The following WWOX variants were observed in gnomAD, a reference collection of about 807,000 sequenced individuals.
WWOX encodes WW domain containing oxidoreductase, also known as WW domain-containing oxidoreductase.
A neutral mutation model predicts 46.2 loss-of-function variants in WWOX; 69 were observed. The observed-to-expected ratio is 1.49, with a 90% confidence interval of 1.23 to 1.82. The LOEUF (loss-of-function observed/expected upper bound fraction) is 1.82, where lower values mean the gene tolerates loss of function less well. WWOX is among the 40% of genes most tolerant of loss of function. The pLI, the probability that WWOX is intolerant of heterozygous loss-of-function variation, is 0.00. For synonymous variants in WWOX, 359 were observed against 202.6 expected (o/e 1.77, Z -6.56); for missense variants, 919 against 542.6 (o/e 1.69, Z -6.89).
chr16:78,562,360 C>A (rs150475540), intron 8 of WWOX, among the ~76,000 whole-genome samples: 6 of 152,290 alleles, frequency 3.9e-5, no homozygotes, highest in African/African-American at 1.4e-4. Flanking sequence ...TTGTGTGTTA[C>A]TATACGATCT....
intron 8 of WWOX, chr16:78,552,255 C>T (rs547081884): frequency 7.9e-5 from 12 of 152,338 alleles, no homozygotes; most frequent in African/African-American, 2.6e-4. Context: ...CCGTCTCACT[C>T]CGTAAACTGT....
At position 78,726,133 on chromosome 16, in the gene WWOX, C is replaced by T. The variant is rs543913709; in HGVS notation, c.1056+293381C>T. ...CCTCTCTGCCTCCCTCTCTCCCTCT[C>T]TCTTTTTCTCTTTCTCTCTTTCTCT... is the stretch of plus-strand genomic sequence containing the variant. On this transcript the variant is annotated intron_variant, in intron 8 of 8. Transcript: ENST00000566780. Among the ~76,000 whole-genome samples, 7 of 144,220 alleles carry T rather than the reference C, an allele frequency of 4.9e-5. No individual in the cohort carries two copies. The East Asian group carries it at 1.5e-3, about 30-fold the overall frequency. The allele number at this position is 144,220 out of a possible 152,430, so 94.6% of individuals were successfully genotyped here. A position where few individuals can be genotyped will look rare whatever the true frequency, so the allele number is the denominator to read the frequency against.
intron 4 of WWOX, among the ~76,000 whole-genome samples, chr16:78,153,751 T>G (rs1393596274): frequency 6.6e-6 from 1 of 152,146 alleles, no homozygotes; most frequent in Non-Finnish European, 1.5e-5. Flanking sequence ...CCCCAACTCC[T>G]TTGGGCGTCT....
intron 5 of WWOX, among the ~76,000 whole-genome samples, chr16:78,211,500 A>C (rs974594969): frequency 2.0e-5 from 3 of 152,120 alleles, no homozygotes; most frequent in Admixed American, 6.5e-5. Flanking sequence ...GGAACTGCTT[A>C]ATAAAGTCCC....
At chr16:78,724,117 G>A (rs973449982) in intron 8 of WWOX, among the ~76,000 whole-genome samples, 4 of 152,186 alleles carry the variant, frequency 2.6e-5, no homozygotes, top group Admixed American at 6.5e-5. Context: ...AGGACGAGGA[G>A]GAAAATGGGA....
Position 78,148,422 on chromosome 16 carries a change from C to T in WWOX, c.410-15761C>T, listed in dbSNP as rs76841575. Among the ~76,000 whole-genome samples the T allele has an allele frequency of 1.1e-4, 17 of 152,108 alleles. 1 individual carries two copies. In the East Asian group the frequency reaches 3.3e-3, roughly 29 times the overall value. On this transcript the variant is annotated intron_variant, in intron 4 of 8. Coordinates refer to ENST00000566780, the MANE Select transcript of WWOX (RefSeq NM_016373.4). ...GGAATTATGGAGCAATTGTTACTTT[C>T]TTGTATTAAGAAGAAAGGGAGCAAA...
intron 8 of WWOX, among the ~76,000 whole-genome samples, chr16:79,070,940 C>A (rs986831357): frequency 2.0e-5 from 3 of 152,166 alleles, no homozygotes; most frequent in African/African-American, 7.2e-5. Context: ...AATACACTTC[C>A]AGGGCAGGTG....
chr16:78,994,511 C>G (rs994345658), intron 8 of WWOX: 2 of 152,158 alleles, frequency 1.3e-5, no homozygotes, highest in Admixed American at 6.5e-5. Flanking sequence ...CTGACAAATG[C>G]AATGCGAATG....
chr16:78,594,102 C>T (rs968347084), intron 8 of WWOX, among the ~76,000 whole-genome samples: 2 of 152,048 alleles, frequency 1.3e-5, no homozygotes, highest in Non-Finnish European at 2.9e-5. Flanking sequence ...GATAAAGTCA[C>T]TTCTCAACTC....
In WWOX at chr16:78,102,016, G is replaced by A. The variant is rs76700730; in HGVS notation, c.107+2131G>A. Among the ~76,000 whole-genome samples the A allele has an allele frequency of 4.3e-3, 660 of 152,212 alleles. 3 individuals carry two copies. Among genetic ancestry groups the A allele is most frequent in the Non-Finnish European group, 6.8e-3 (464 of 68,000 alleles). On this transcript the variant is annotated intron_variant, in intron 1 of 8. Coordinates refer to ENST00000566780, the MANE Select transcript of WWOX (RefSeq NM_016373.4). ...CCTCACAGTAACCTTCACTTCCTGG[G>A]CTCAAGCGATCCTCCCGCATCAGCC...
At chr16:78,486,467 G>T (rs1203787487) in intron 8 of WWOX, among the ~76,000 whole-genome samples, 1 of 152,166 alleles carries the variant, frequency 6.6e-6, no homozygotes, top group African/African-American at 2.4e-5. Context: ...CCAACAACTA[G>T]GTCTTAAAGT....
intron 8 of WWOX, among the ~76,000 whole-genome samples, chr16:79,195,217 G>C (rs780559088): frequency 1.3e-5 from 2 of 152,106 alleles, no homozygotes; most frequent in Admixed American, 1.3e-4. Context: ...AACTGAGATT[G>C]GCATGTAGGA....
At chr16:78,522,928 CAGG>C (rs2043381129) in intron 8 of WWOX, among the ~76,000 whole-genome samples, 1 of 152,092 alleles carries the variant, frequency 6.6e-6, no homozygotes, top group Non-Finnish European at 1.5e-5. Context: ...AAAAATTAGC[CAGG>C]CATGGTGGCA....
At chr16:78,746,977 C>T (rs1877510595) in intron 8 of WWOX, among the ~76,000 whole-genome samples, 1 of 152,084 alleles carries the variant, frequency 6.6e-6, no homozygotes, top group African/African-American at 2.4e-5. Context: ...ACGCTCTTTT[C>T]CAGGGTCTAC....
chr16:78,398,313 C>G (rs911191466), intron 6 of WWOX, among the ~76,000 whole-genome samples: 3 of 152,206 alleles, frequency 2.0e-5, no homozygotes, highest in South Asian at 2.1e-4. Context: ...CCAGGCTTCT[C>G]TGCTCCGCTG....
intron 5 of WWOX, among the ~76,000 whole-genome samples, chr16:78,383,398 G>A (rs531117732): frequency 6.6e-6 from 1 of 152,146 alleles, no homozygotes; most frequent in East Asian, 1.9e-4. Flanking sequence ...TCAAATAAAA[G>A]TTAACAACCA....
chr16:78,256,075 G>A (rs936805021), intron 5 of WWOX, among the ~76,000 whole-genome samples: 1 of 147,548 alleles, frequency 6.8e-6, no homozygotes, highest in Non-Finnish European at 1.5e-5. Flanking sequence ...ACTCGAACCC[G>A]GGAGGCAGAG....
chr16:78,448,711 G>T (rs1446165266), intron 8 of WWOX, among the ~76,000 whole-genome samples: 1 of 152,182 alleles, frequency 6.6e-6, no homozygotes, highest in South Asian at 2.1e-4. Context: ...TTAATGAAGA[G>T]GCTGGACATT....
At chr16:78,370,157 G>A (rs916601557) in intron 5 of WWOX, among the ~76,000 whole-genome samples, 7 of 144,898 alleles carry the variant, frequency 4.8e-5, no homozygotes, top group African/African-American at 1.8e-4. Flanking sequence ...AAAAGGGCAT[G>A]GATCTAGATG....
Sources: gnomAD v4.1 joint callset for allele counts (sites outside exome capture counted in the v4.1 genomes callset) on GRCh38, gnomAD v4.1.1 for gene constraint, MANE v1.5 for transcripts, NCBI Gene and HGNC (gene_info 2026-07-23, HGNC 2026-07-21) for gene names.